The following WDR75 variants were observed in gnomAD, a reference collection of about 807,000 sequenced individuals.
WDR75 encodes WD repeat domain 75.
A neutral mutation model predicts 106.1 loss-of-function variants in WDR75; 52 were observed. That is an observed-to-expected ratio of 0.49 (90% CI 0.39 to 0.62). WDR75 has a LOEUF of 0.62. Ranked by LOEUF, WDR75 falls within the 20% of genes least tolerant of loss-of-function variation. WDR75 has a pLI of 0.00. For synonymous variants in WDR75, 333 were observed against 335.5 expected, an observed-to-expected ratio of 0.99 and a Z score of 0.08; for missense variants, 905 against 970.3, an observed-to-expected ratio of 0.93 and a Z score of 0.89.
At chr2:189,450,429 C>T in intron 2 of WDR75, 4 of 910,644 alleles carry the variant, frequency 4.4e-6, no homozygotes, top group Non-Finnish European at 5.3e-6. Context: ...TGTGATTGAT[C>T]TCAGCTCACT....
At chr2:189,444,838 A>G (rs575445349) in intron 1 of WDR75, among the ~76,000 whole-genome samples, 30 of 152,278 alleles carry the variant, frequency 2.0e-4, no homozygotes, top group Non-Finnish European at 1.5e-4. Context: ...TCAGATAAGT[A>G]CATTATCTGT....
intron 4 of WDR75, among the ~76,000 whole-genome samples, chr2:189,454,157 A>T (rs1427567402): frequency 1.3e-5 from 2 of 152,160 alleles, no homozygotes; most frequent in African/African-American, 4.8e-5. Context: ...ACTAAATGAG[A>T]GGAAGAAGGG....
intron 5 of WDR75, 96 bp from the exon 6 acceptor site, chr2:189,457,215 T>TG (rs1686756867): frequency 2.5e-6 from 2 of 807,394 alleles, no homozygotes. Context: ...CATTCCAGCC[T>TG]GGGGGACAAG....
At chr2:189,473,567 ACCG>A (rs1449996239) in intron 18 of WDR75, among the ~76,000 whole-genome samples, 3 of 151,920 alleles carry the variant, frequency 2.0e-5, no homozygotes, top group Non-Finnish European at 2.9e-5. Flanking sequence ...CACCACCACC[ACCG>A]CTATCCATAC....
Position 189,442,442 on chromosome 2 carries a change from CTTTTTT to C in WDR75, c.86+885_86+890del, listed in dbSNP as rs1188214718. ...GAAAGTTTGTAGCCTCCACAATATT[CTTTTTT>C]TTTTTTTTTTTTTTTTTTTTGATGC... On this transcript the variant is annotated intron_variant, in intron 1 of 20. Coordinates refer to ENST00000314761, the MANE Select transcript of WDR75 (RefSeq NM_032168.3). Among the ~76,000 whole-genome samples, 49 of 73,954 alleles carry C rather than the reference CTTTTTT, an allele frequency of 6.6e-4. 1 individual carries two copies. Among genetic ancestry groups the C allele is most frequent in the Admixed American group, 3.5e-3 (18 of 5,116 alleles). The allele number at this position is 73,954 out of a possible 152,430, so 48.5% of individuals were successfully genotyped here. A position where few individuals can be genotyped will look rare whatever the true frequency, so the allele number is the denominator to read the frequency against.
At chr2:189,467,363 AAC>A in intron 13 of WDR75, 103 bp from the exon 14 acceptor site, 1 of 1,234,844 alleles carries the variant, frequency 8.1e-7, no homozygotes, top group Non-Finnish European at 1.1e-6. Context: ...TAGGAACTGA[AAC>A]CACAGAAAGT....
chr2:189,462,573 G>A lies in WDR75; in HGVS notation c.868G>A (p.Gly290Arg). The A allele has an allele frequency of 6.2e-7, 1 of 1,614,018 alleles. No homozygotes were observed. The highest frequency in any genetic ancestry group is 1.3e-5 in the African/African-American group (1 of 75,016). Reference sequence around the variant, plus strand: ...GAATAAGGAGTTTCTCCCGCGTTTAGGAGCTACTATTGAACATATCTCAGT... The same window carrying A: ...GAATAAGGAGTTTCTCCCGCGTTTAAGAGCTACTATTGAACATATCTCAGT... ...EKNKEFLPRL[G>R]ATIEHISVSP... The change falls in exon 9 of 21, where the codon GGA (glycine) becomes AGA (arginine). Residue 290 changes from glycine to arginine, a missense_variant. Coordinates refer to ENST00000314761, the MANE Select transcript of WDR75 (RefSeq NM_032168.3).
chr2:189,466,389 C>T (rs1436045662), intron 12 of WDR75, 36 bp from the exon 13 acceptor site: 15 of 1,607,402 alleles, frequency 9.3e-6, no homozygotes, highest in Non-Finnish European at 1.3e-5. Context: ...ACTTTGTCCT[C>T]ATGCAAGAAT....
chr2:189,452,727 G>A (rs1467598574), intron 4 of WDR75, among the ~76,000 whole-genome samples: 5 of 152,156 alleles, frequency 3.3e-5, no homozygotes, highest in African/African-American at 1.2e-4. Flanking sequence ...TTACCATAGA[G>A]TTTGATAAAA....
rs1306599867 is a variant in WDR75, at chr2:189,462,066, G to A, written c.779-418G>A. ...TAATCTCATTCTTGCAGTAAACTGC[G>A]ATGACATGATACCCTTTAATATATC... On this transcript the variant is annotated intron_variant, in intron 8 of 20. Coordinates refer to ENST00000314761, the MANE Select transcript of WDR75 (RefSeq NM_032168.3). Among the ~76,000 whole-genome samples the A allele has an allele frequency of 3.3e-5, 5 of 152,110 alleles. No individual in the cohort carries two copies. The South Asian group carries it at 8.3e-4, about 25-fold the overall frequency.
chr2:189,442,278 C>G (rs1181891291), intron 1 of WDR75, among the ~76,000 whole-genome samples: 1 of 151,926 alleles, frequency 6.6e-6, no homozygotes, highest in Non-Finnish European at 1.5e-5. Flanking sequence ...ACAACAATGC[C>G]CGGCACATAA....
intron 13 of WDR75, among the ~76,000 whole-genome samples, chr2:189,466,955 G>T (rs1276535409): frequency 6.6e-6 from 1 of 152,016 alleles, no homozygotes; most frequent in East Asian, 1.9e-4. Flanking sequence ...TGGGGAACAG[G>T]TTTTCTTGTT....
chr2:189,465,504 C>G (rs1301595157), intron 12 of WDR75, among the ~76,000 whole-genome samples: 1 of 152,032 alleles, frequency 6.6e-6, no homozygotes, highest in African/African-American at 2.4e-5. Flanking sequence ...GGCATAATAC[C>G]GAATTCTAGG....
chr2:189,452,084 G>C, intron 4 of WDR75, 189 bp downstream of exon 4: 1 of 501,718 alleles, frequency 2.0e-6, no homozygotes, highest in Non-Finnish European at 3.5e-6. Context: ...AGTGAGGGAG[G>C]GATTATTTTT....
chr2:189,462,736 G>A, intron 9 of WDR75, 94 bp downstream of exon 9: 1 of 1,230,924 alleles, frequency 8.1e-7, no homozygotes, highest in Non-Finnish European at 1.1e-6. Context: ...CTAAAACTAA[G>A]AGTAGCGTAT....
chr2:189,473,884 A>G (rs1687162440), intron 18 of WDR75, among the ~76,000 whole-genome samples: 1 of 151,998 alleles, frequency 6.6e-6, no homozygotes, highest in South Asian at 2.1e-4. Context: ...CTCATTTTCT[A>G]TCATTGTGAG....
chr2:189,448,753 T>G (rs1417441652), intron 2 of WDR75: 1 of 603,328 alleles, frequency 1.7e-6, no homozygotes. Flanking sequence ...TTTCTGAAAT[T>G]CAGGGCTAGG....
In WDR75 at chr2:189,450,948, A is replaced by G. The variant is rs762434495; in HGVS notation, c.262A>G (p.Ile88Val). Residue 88 changes from isoleucine (I) to valine (V), a missense_variant, in exon 3 of 21, where the codon ATA (isoleucine) becomes GTA (valine). Ile to Val is a conservative substitution (Grantham distance 29). Transcript: ENST00000314761. ...TGGCACAATTAAACTGTGGGACTATATAGATGGCATCTTAATAAAGGTATG... is the reference window on the plus strand; with the variant it reads ...TGGCACAATTAAACTGTGGGACTATGTAGATGGCATCTTAATAAAGGTATG... ...LDGTIKLWDY[I>V]DGILIKTFIV... 24 of 1,609,870 alleles carry G rather than the reference A, an allele frequency of 1.5e-5. No individual in the cohort carries two copies. The highest frequency in any genetic ancestry group is 1.7e-5 in the Admixed American group (1 of 58,838).
At chr2:189,451,682 G>A in intron 3 of WDR75, 123 bp from the exon 4 acceptor site, 1 of 746,450 alleles carries the variant, frequency 1.3e-6, no homozygotes, top group Admixed American at 2.4e-5. Context: ...CTGTAGGCCA[G>A]GTACTCTCCT....
Sources: allele counts gnomAD v4.1 joint callset (sites outside exome capture counted in the v4.1 genomes callset), GRCh38; gene constraint gnomAD v4.1.1; transcripts MANE v1.5; gene names NCBI Gene and HGNC (gene_info 2026-07-23, HGNC 2026-07-21).